CYP7B1: variants seen among roughly 807,000 people sequenced by gnomAD.
CYP7B1 encodes the protein cytochrome P450 family 7 subfamily B member 1, also known as cytochrome P450 7B1.
CYP7B1 carries 29 observed loss-of-function variants against 42.7 expected under a neutral mutation model. The ratio of observed to expected loss-of-function variants is 0.68; its 90% CI spans 0.51 to 0.93. CYP7B1 has a LOEUF of 0.93. Ranked by LOEUF, CYP7B1 falls within the 40% of genes least tolerant of loss-of-function variation. The probability of loss-of-function intolerance (pLI) is 0.00; values close to 1 mark genes in which losing one functional copy is unlikely to be tolerated. For missense variants in CYP7B1, 655 were observed against 600.5 expected (o/e 1.09, Z -0.95); for synonymous variants, 235 against 218.2 (o/e 1.08, Z -0.68).
At chr8:64,607,596 C>T (rs913183347) in intron 4 of CYP7B1, among the ~76,000 whole-genome samples, 3 of 152,136 alleles carry the variant, frequency 2.0e-5, no homozygotes, top group Admixed American at 6.5e-5. Flanking sequence ...TTGTGATAGG[C>T]GGGCAAATTG....
chr8:64,724,285 T>C (rs1807288949), intron 1 of CYP7B1, among the ~76,000 whole-genome samples: 1 of 152,144 alleles, frequency 6.6e-6, no homozygotes, highest in Non-Finnish European at 1.5e-5. Context: ...TAGCTGGGAC[T>C]ACAGGCATGT....
intron 1 of CYP7B1, among the ~76,000 whole-genome samples, chr8:64,698,444 C>T (rs1473229399): frequency 6.6e-6 from 1 of 152,126 alleles, no homozygotes; most frequent in Non-Finnish European, 1.5e-5. Flanking sequence ...TTGAATTCAC[C>T]ACGCGACCCT....
chr8:64,769,032 ATT>A (rs1804159619), intron 1 of CYP7B1, among the ~76,000 whole-genome samples: 2 of 152,168 alleles, frequency 1.3e-5, no homozygotes, highest in Admixed American at 1.3e-4. Context: ...ATTTTAAAAT[ATT>A]GTTTTTAATG....
intron 1 of CYP7B1, among the ~76,000 whole-genome samples, chr8:64,705,179 G>A (rs912724041): frequency 9.2e-5 from 14 of 151,832 alleles, no homozygotes; most frequent in East Asian, 5.8e-4. Context: ...ATGTTAGGGC[G>A]GTAAAAAGCA....
intron 1 of CYP7B1, among the ~76,000 whole-genome samples, chr8:64,765,249 A>G (rs138974276): frequency 2.2e-4 from 33 of 152,366 alleles, no homozygotes; most frequent in Middle Eastern, 3.4e-3. Flanking sequence ...AAAAGTTAAC[A>G]GTGTAACCTG....
At chr8:64,673,796 C>T (rs749640832) in intron 1 of CYP7B1, among the ~76,000 whole-genome samples, 1 of 152,056 alleles carries the variant, frequency 6.6e-6, no homozygotes, top group Non-Finnish European at 1.5e-5. Context: ...ATTAGGTAAT[C>T]AGAGTACATG....
At chr8:64,673,075 C>G (rs1312523005) in intron 1 of CYP7B1, among the ~76,000 whole-genome samples, 1 of 152,114 alleles carries the variant, frequency 6.6e-6, no homozygotes, top group Non-Finnish European at 1.5e-5. Context: ...AAGGCACAAG[C>G]TACATACCTT....
chr8:64,628,647 CAAATA>C (rs554739887), intron 1 of CYP7B1, among the ~76,000 whole-genome samples: 1 of 151,060 alleles, frequency 6.6e-6, no homozygotes, highest in Non-Finnish European at 1.5e-5. Flanking sequence ...GACTCTGTCT[CAAATA>C]AAATAAAATA....
chr8:64,691,282 T>C (rs907548600), intron 1 of CYP7B1, among the ~76,000 whole-genome samples: 3 of 152,180 alleles, frequency 2.0e-5, no homozygotes, highest in Non-Finnish European at 2.9e-5. Flanking sequence ...GCAGGCTTAG[T>C]GATCACTTAT....
intron 1 of CYP7B1, among the ~76,000 whole-genome samples, chr8:64,657,415 C>T (rs1316243897): frequency 2.0e-5 from 3 of 152,116 alleles, no homozygotes; most frequent in East Asian, 3.9e-4. Flanking sequence ...AGGAGGTGTT[C>T]GGGCTTTCTC....
chr8:64,701,870 A>G (rs1044062281), intron 1 of CYP7B1, among the ~76,000 whole-genome samples: 3 of 152,118 alleles, frequency 2.0e-5, no homozygotes, highest in African/African-American at 7.2e-5. Flanking sequence ...ATTATATCAC[A>G]GAGGTTATTC....
At chr8:64,665,499 T>C (rs1275627807) in intron 1 of CYP7B1, among the ~76,000 whole-genome samples, 1 of 151,336 alleles carries the variant, frequency 6.6e-6, no homozygotes, top group Non-Finnish European at 1.5e-5. Context: ...GCAAAGTGTT[T>C]TAACTTAGCC....
chr8:64,722,738 TGCG>T (rs201759933), intron 1 of CYP7B1, among the ~76,000 whole-genome samples: 2,564 of 17,374 alleles, frequency 0.15, 396 homozygotes, highest in African/African-American at 0.25. Flanking sequence ...AATGATTTTT[TGCG>T]GCGGGGGGGG....
chr8:64,703,809 C>T (rs561326415), intron 1 of CYP7B1: 1 of 152,024 alleles, frequency 6.6e-6, no homozygotes, highest in Non-Finnish European at 1.5e-5. Flanking sequence ...AATTGATTGT[C>T]CAATGTCACA....
chr8:64,685,140 G>C (rs1003705457), intron 1 of CYP7B1, among the ~76,000 whole-genome samples: 4 of 152,200 alleles, frequency 2.6e-5, no homozygotes, highest in Non-Finnish European at 5.9e-5. Context: ...ATTAACATTA[G>C]GCAGTCTTTG....
chr8:64,605,580 G>A (rs1805266901), intron 4 of CYP7B1, among the ~76,000 whole-genome samples: 1 of 152,038 alleles, frequency 6.6e-6, no homozygotes, highest in South Asian at 2.1e-4. Flanking sequence ...ATTTATCCTG[G>A]CAGTTTGAGG....
At chr8:64,789,842 CAT>C (rs1804589509) in intron 1 of CYP7B1, among the ~76,000 whole-genome samples, 2 of 152,192 alleles carry the variant, frequency 1.3e-5, no homozygotes, top group Non-Finnish European at 2.9e-5. Flanking sequence ...TCCACATCTC[CAT>C]CTGGGGACAC....
chr8:64,710,777 T>C (rs988657314), intron 1 of CYP7B1, among the ~76,000 whole-genome samples: 54 of 149,796 alleles, frequency 3.6e-4, no homozygotes, highest in African/African-American at 1.3e-3. Context: ...AAAAAGTACA[T>C]ATAAATATAT....
At chr8:64,751,863 C>T (rs184846338) in intron 1 of CYP7B1, among the ~76,000 whole-genome samples, 3 of 152,274 alleles carry the variant, frequency 2.0e-5, no homozygotes, top group Non-Finnish European at 4.4e-5. Context: ...TGGTTCCTAA[C>T]CTCTCTGACC....
Sources: allele counts gnomAD v4.1 joint callset (sites outside exome capture counted in the v4.1 genomes callset), GRCh38; gene constraint gnomAD v4.1.1; transcripts MANE v1.5; gene names NCBI Gene and HGNC (gene_info 2026-07-23, HGNC 2026-07-21).